Variants in ATP1A4 observed in about 807,000 individuals in gnomAD.
The protein encoded by ATP1A4 is ATPase Na+/K+ transporting subunit alpha 4, also known as sodium/potassium-transporting ATPase subunit alpha-4.
A neutral mutation model predicts 114.3 loss-of-function variants in ATP1A4; 90 were observed. That is an observed-to-expected ratio of 0.79 (90% CI 0.66 to 0.94). ATP1A4 has a LOEUF of 0.94. ATP1A4 is among the 40% of genes least tolerant of loss of function. The pLI is 0.00. For synonymous variants in ATP1A4, 511 were observed against 494.1 expected, an observed-to-expected ratio of 1.03 and a Z score of -0.45; for missense variants, 1,222 against 1,313.6, an observed-to-expected ratio of 0.93 and a Z score of 1.08.
intron 6 of ATP1A4, among the ~76,000 whole-genome samples, chr1:160,163,156 A>C (rs1397129088): frequency 6.6e-6 from 1 of 151,842 alleles, no homozygotes; most frequent in African/African-American, 2.4e-5. Context: ...TCTCTGATGG[A>C]AAAAACAAGA....
intron 10 of ATP1A4, among the ~76,000 whole-genome samples, chr1:160,168,372 G>A (rs1382914305): frequency 1.5e-5 from 2 of 131,402 alleles, no homozygotes. Context: ...CAAGTCTGCT[G>A]GTATCTTTTT....
At chr1:160,152,732 G>T (rs1299742830) in intron 1 of ATP1A4, among the ~76,000 whole-genome samples, 4 of 152,090 alleles carry the variant, frequency 2.6e-5, no homozygotes, top group African/African-American at 9.7e-5. Context: ...TTTGACCAAG[G>T]CCTGTAAAAT....
intron 18 of ATP1A4, among the ~76,000 whole-genome samples, chr1:160,179,873 C>T (rs1369153689): frequency 2.6e-5 from 4 of 152,024 alleles, no homozygotes; most frequent in Non-Finnish European, 2.9e-5. Context: ...AGTGTTGGAA[C>T]TAGAATACTA....
At position 160,176,178 on chromosome 1, in the gene ATP1A4, A is replaced by T; in HGVS notation, c.2398A>T (p.Ile800Phe). The T allele has an allele frequency of 6.2e-7, 1 of 1,614,022 alleles. No individual in the cohort carries two copies. The highest frequency in any genetic ancestry group is 8.5e-7 in the Non-Finnish European group (1 of 1,179,976). Reference protein sequence around the residue: ...IPEITPFLMFIILGIPLPLGT... With the variant: ...IPEITPFLMFFILGIPLPLGT... ...CGAGATCACGCCCTTCCTGATGTTC[A>T]TCATCCTCGGTATACCCCTGCCTCT... is the stretch of plus-strand genomic sequence containing the variant. The change falls in exon 16 of 22, where the codon ATC (isoleucine) becomes TTC (phenylalanine). Residue 800 changes from isoleucine (I) to phenylalanine (F), a missense_variant. Physicochemically the swap from Ile to Phe is conservative, Grantham distance 21. Transcript: ENST00000368081.
intron 10 of ATP1A4, 52 bp downstream of exon 10, chr1:160,167,464 C>T (rs749881820): frequency 4.4e-6 from 7 of 1,598,612 alleles, no homozygotes; most frequent in Non-Finnish European, 6.0e-6. Flanking sequence ...GGGCTTATCA[C>T]TGGAACAAGG....
chr1:160,161,900 C>T (rs971614341), intron 6 of ATP1A4, among the ~76,000 whole-genome samples: 2 of 152,160 alleles, frequency 1.3e-5, no homozygotes, highest in African/African-American at 4.8e-5. Context: ...ATGGGAGCTC[C>T]CAGATTAGAG....
intron 18 of ATP1A4, among the ~76,000 whole-genome samples, chr1:160,180,421 TA>T (rs1224690582): frequency 1.3e-5 from 2 of 152,158 alleles, no homozygotes; most frequent in Admixed American, 1.3e-4. Context: ...CTCTCCAGTC[TA>T]ATTTAGATGC....
intron 6 of ATP1A4, among the ~76,000 whole-genome samples, chr1:160,160,310 A>C (rs566730167): frequency 5.3e-5 from 8 of 152,182 alleles, no homozygotes; most frequent in Non-Finnish European, 1.2e-4. Context: ...TCTGCCTCCC[A>C]AGTTCAAGCA....
chr1:160,165,469 C>T (rs184661276), intron 7 of ATP1A4, among the ~76,000 whole-genome samples: 3 of 152,252 alleles, frequency 2.0e-5, no homozygotes, highest in East Asian at 3.9e-4. Flanking sequence ...TTTGTTTAAA[C>T]TATTGGTCTG....
intron 12 of ATP1A4, among the ~76,000 whole-genome samples, chr1:160,172,026 C>A (rs1286265949): frequency 6.6e-6 from 1 of 152,110 alleles, no homozygotes; most frequent in Non-Finnish European, 1.5e-5. Flanking sequence ...AGGATAGGAT[C>A]CTGGCAACAG....
At chr1:160,184,614 T>G (rs1653818933) in intron 20 of ATP1A4, among the ~76,000 whole-genome samples, 1 of 152,216 alleles carries the variant, frequency 6.6e-6, no homozygotes, top group Admixed American at 6.5e-5. Flanking sequence ...ACTGATATAT[T>G]GATATCAGTT....
At chr1:160,160,070 G>A (rs561059066) in intron 6 of ATP1A4, among the ~76,000 whole-genome samples, 1 of 152,222 alleles carries the variant, frequency 6.6e-6, no homozygotes, top group East Asian at 1.9e-4. Context: ...CTGGCAAAGT[G>A]GTAATAAAAA....
rs746532708 is a variant in ATP1A4 at position 160,164,299 on chromosome 1, G to A, written c.922G>A (p.Val308Ile). The part of the protein sequence containing the change: ...HFIHLITVVA[V>I]FLGVTFFALS... ...CATCCATCTGATCACTGTGGTGGCC[G>A]TCTTCCTTGGTGTCACTTTTTTTGC... The change falls in exon 7 of 22, where the codon GTC (valine) becomes ATC (isoleucine). Residue 308 changes from valine to isoleucine, a missense_variant. Coordinates refer to ENST00000368081, the MANE Select transcript of ATP1A4 (RefSeq NM_144699.4). 2.8e-5 allele frequency: 46 copies of A among 1,614,040 alleles called. No individual in the cohort carries two copies. In the Admixed American group the frequency reaches 3.5e-4, roughly 12 times the overall value.
intron 14 of ATP1A4, 80 bp downstream of exon 14, chr1:160,174,341 T>A (rs1366634269): frequency 5.0e-6 from 8 of 1,586,442 alleles, no homozygotes; most frequent in Non-Finnish European, 6.9e-6. Context: ...CAGAGGAACA[T>A]GTGGGCTGGG....
In ATP1A4 at chr1:160,167,114, C is replaced by T. The variant is rs1184025305; in HGVS notation, c.1356+37C>T. ...AAGGGGAAGAGGGTACCTCAGTGTCCAGGGTGTAACCTGACCTCTCCCAAA... is the reference window on the plus strand; with the variant it reads ...AAGGGGAAGAGGGTACCTCAGTGTCTAGGGTGTAACCTGACCTCTCCCAAA... On this transcript the variant is annotated intron_variant, in intron 9 of 21. Transcript: ENST00000368081. 8 of 1,603,236 alleles carry T rather than the reference C, an allele frequency of 5.0e-6. No homozygotes were observed. The East Asian group carries it at 1.8e-4, about 36-fold the overall frequency.
chr1:160,174,437 G>A, intron 14 of ATP1A4, 142 bp from the exon 15 acceptor site: 2 of 1,430,448 alleles, frequency 1.4e-6, no homozygotes, highest in Non-Finnish European at 1.9e-6. Context: ...AATATCTCAG[G>A]AGGAGTGGGA....
intron 4 of ATP1A4, among the ~76,000 whole-genome samples, chr1:160,158,479 C>T (rs1011569538): frequency 3.3e-5 from 5 of 152,018 alleles, no homozygotes; most frequent in African/African-American, 4.8e-5. Context: ...TGGGCTCAAG[C>T]GATCCTCCAA....
intron 4 of ATP1A4, 88 bp from the exon 5 acceptor site, chr1:160,158,914 G>T: frequency 7.0e-7 from 1 of 1,425,688 alleles, no homozygotes. Context: ...GTAAGGAGGA[G>T]GGAGACCAAT....
rs199802537 is a variant in ATP1A4 at position 160,173,533 on chromosome 1, G to A, written c.1855-48G>A. 1.2e-4 allele frequency: 190 copies of A among 1,597,104 alleles called. 1 individual carries two copies. Among genetic ancestry groups the A allele is most frequent in the South Asian group, 1.0e-3 (93 of 90,548 alleles). The stretch of plus-strand genomic sequence containing the variant: ...CTCAGAGGAGAAAAATGAAGGATCC[G>A]GGCTCTGAAGATGATTCTGCTCCTC... On this transcript the variant is annotated intron_variant, in intron 12 of 21. Transcript: ENST00000368081.
Sources: allele counts gnomAD v4.1 joint callset (sites outside exome capture counted in the v4.1 genomes callset), GRCh38; gene constraint gnomAD v4.1.1; transcripts MANE v1.5; gene names NCBI Gene and HGNC (gene_info 2026-07-23, HGNC 2026-07-21).